SLC9A8: variants seen among roughly 807,000 people sequenced by gnomAD.
SLC9A8 encodes the protein sodium/hydrogen exchanger 8.
In SLC9A8, 48 loss-of-function variants were observed where a neutral mutation model predicts 66.6. That is an observed-to-expected ratio of 0.72 (90% confidence interval 0.57 to 0.92). The LOEUF is 0.92. Among genes scored for constraint, SLC9A8 ranks in the 40% least tolerant of loss-of-function variants. SLC9A8 has a pLI of 0.00. For missense variants in SLC9A8, 599 were observed against 747.3 expected (o/e 0.80, Z 2.31); for synonymous variants, 274 against 282.6 (o/e 0.97, Z 0.31).
At position 49,862,963 on chromosome 20, in the gene SLC9A8, G is replaced by C; in HGVS notation, c.748G>C (p.Asp250His). 6.2e-7 allele frequency: 1 copy of C among 1,613,560 alleles called. No individual in the cohort carries two copies. The highest frequency in any genetic ancestry group is 2.2e-5 in the East Asian group (1 of 44,882). The change falls in exon 9 of 16, where the codon GAT becomes CAT. Residue 250 changes from aspartate (D) to histidine (H), a missense_variant. By Grantham distance (81) the Asp-to-His change is moderately conservative. Around this residue, in one of 2 missense-constraint regions of SLC9A8, gnomAD observed 467 missense variants for 626.5 expected, o/e 0.75. Transcript: ENST00000361573. The part of the protein sequence containing the change: ...AEGLTRKNMS[D>H]VSGWQTFLQA... ...AGGTTTAACAAGAAAAAATATGTCA[G>C]ATGTCAGTGGGTGGCAAACATTTTT...
chr20:49,850,406 G>A (rs769134855), intron 6 of SLC9A8, among the ~76,000 whole-genome samples: 21 of 152,118 alleles, frequency 1.4e-4, no homozygotes, highest in Admixed American at 8.5e-4. Flanking sequence ...TCTGAGTGAC[G>A]GGCAGATTTC....
At chr20:49,828,794 G>A (rs1600656738) in intron 3 of SLC9A8, among the ~76,000 whole-genome samples, 1 of 151,720 alleles carries the variant, frequency 6.6e-6, no homozygotes, top group East Asian at 2.0e-4. Flanking sequence ...AGCCAAGATT[G>A]TGCCACTGCA....
chr20:49,887,419 A>T (rs1300645871), intron 15 of SLC9A8, among the ~76,000 whole-genome samples: 1 of 152,158 alleles, frequency 6.6e-6, no homozygotes, highest in Non-Finnish European at 1.5e-5. Context: ...AGGCAGCTCC[A>T]GTGACTGTGA....
Position 49,887,870 on chromosome 20 carries a change from C to T in SLC9A8, c.1680C>T (p.Asn560=), listed in dbSNP as rs1209585442. The T allele has an allele frequency of 8.1e-6, 13 of 1,613,166 alleles. No individual in the cohort carries two copies. Among genetic ancestry groups the T allele is most frequent in the East Asian group, 4.5e-5 (2 of 44,852 alleles). The change falls in exon 16 of 16, where the codon AAC becomes AAT. Residue 560 remains asparagine, a synonymous_variant. Transcript: ENST00000361573. ...GCATCCAGATGAAAACTCTCACCAA[C>T]AAGTGGTACGAGGAGGTACGCCAGG... The part of the protein sequence containing the change: ...HGRIQMKTLT[N]KWYEEVRQGP...
chr20:49,836,665 G>A (rs2087548360), intron 3 of SLC9A8, among the ~76,000 whole-genome samples: 1 of 152,106 alleles, frequency 6.6e-6, no homozygotes, highest in Non-Finnish European at 1.5e-5. Flanking sequence ...CTGCTGTTAG[G>A]AATATCTGTG....
chr20:49,856,612 A>G (rs571326760), intron 8 of SLC9A8, among the ~76,000 whole-genome samples: 28 of 152,214 alleles, frequency 1.8e-4, no homozygotes, highest in Non-Finnish European at 3.7e-4. Flanking sequence ...ACCTGAGGTC[A>G]GGAGTTCAAG....
chr20:49,857,939 T>C (rs1179747737), intron 8 of SLC9A8, among the ~76,000 whole-genome samples: 1 of 152,188 alleles, frequency 6.6e-6, no homozygotes, highest in Non-Finnish European at 1.5e-5. Context: ...CTTATAAGTA[T>C]TTTTGTTATT....
At chr20:49,844,619 T>TAAAAA (rs35043669) in intron 4 of SLC9A8, among the ~76,000 whole-genome samples, 33 of 106,020 alleles carry the variant, frequency 3.1e-4, no homozygotes, top group Non-Finnish European at 3.3e-4. Context: ...CCCTGTATCT[T>TAAAAA]AAAAAAAAAA....
chr20:49,887,680 T>C, intron 15 of SLC9A8, 149 bp from the exon 16 acceptor site: 1 of 597,848 alleles, frequency 1.7e-6, no homozygotes, highest in Non-Finnish European at 3.0e-6. Flanking sequence ...CAGCTCAGTT[T>C]GTTCAACTGA....
intron 5 of SLC9A8, 125 bp downstream of exon 5, chr20:49,845,244 G>A: frequency 1.4e-6 from 1 of 693,408 alleles, no homozygotes; most frequent in Non-Finnish European, 2.6e-6. Flanking sequence ...CTTCCTGGTT[G>A]TGCTCAGTGG....
chr20:49,835,416 A>G (rs563372116), intron 3 of SLC9A8, among the ~76,000 whole-genome samples: 2 of 152,240 alleles, frequency 1.3e-5, no homozygotes, highest in East Asian at 1.9e-4. Flanking sequence ...TTTTTAGTAT[A>G]TTCACAGAGT....
chr20:49,865,269 A>T (rs1341458225), intron 10 of SLC9A8, among the ~76,000 whole-genome samples: 1 of 152,198 alleles, frequency 6.6e-6, no homozygotes, highest in Non-Finnish European at 1.5e-5. Flanking sequence ...GGAGTCAAGA[A>T]CTAGTGCTTA....
intron 2 of SLC9A8, among the ~76,000 whole-genome samples, chr20:49,822,738 G>C (rs1342082233): frequency 1.3e-5 from 2 of 152,222 alleles, no homozygotes; most frequent in Non-Finnish European, 2.9e-5. Context: ...AGTGACCCTA[G>C]ATCATACCAC....
chr20:49,820,886 A>G (rs890099391), intron 2 of SLC9A8, among the ~76,000 whole-genome samples: 8 of 152,108 alleles, frequency 5.3e-5, no homozygotes, highest in Non-Finnish European at 1.2e-4. Flanking sequence ...CCTTCCAGTG[A>G]ATCATTGTAT....
intron 4 of SLC9A8, among the ~76,000 whole-genome samples, chr20:49,841,220 C>G (rs893429318): frequency 1.3e-5 from 2 of 151,484 alleles, no homozygotes; most frequent in East Asian, 3.9e-4. Flanking sequence ...GCAGGAGGAT[C>G]GCTTGAGCCC....
intron 2 of SLC9A8, among the ~76,000 whole-genome samples, chr20:49,821,220 A>T (rs912318476): frequency 6.6e-6 from 1 of 152,230 alleles, no homozygotes; most frequent in Non-Finnish European, 1.5e-5. Flanking sequence ...TTATGAGAAT[A>T]ACTTAAATTT....
intron 3 of SLC9A8, among the ~76,000 whole-genome samples, chr20:49,827,762 T>C (rs2086971981): frequency 6.6e-6 from 1 of 152,136 alleles, no homozygotes; most frequent in Non-Finnish European, 1.5e-5. Flanking sequence ...AGTGGAGGGC[T>C]GAAAGTTTGA....
rs531163024 is a variant in SLC9A8, at chr20:49,874,239, CAA to C, written c.959-465_959-464del. ...CACTATTGCACTCCAGCCTGGGTGACAAGAGCAAAACTCTGTCCCCCCCCCAA... is the reference window on the plus strand; with the variant it reads ...CACTATTGCACTCCAGCCTGGGTGACGAGCAAAACTCTGTCCCCCCCCCAA... On this transcript the variant is annotated intron_variant, in intron 10 of 15. Coordinates refer to ENST00000361573, the MANE Select transcript of SLC9A8 (RefSeq NM_015266.3). 3.4e-3 allele frequency among the ~76,000 whole-genome samples: 516 copies of C among 151,838 alleles called. 4 individuals carry two copies. Among genetic ancestry groups the C allele is most frequent in the Middle Eastern group, 0.014 (4 of 292 alleles).
chr20:49,877,016 G>A (rs1025575485), intron 11 of SLC9A8, among the ~76,000 whole-genome samples: 11 of 152,114 alleles, frequency 7.2e-5, no homozygotes, highest in South Asian at 4.2e-4. Flanking sequence ...GGCCAGGCGC[G>A]GTGGCTTATG....
Sources: allele counts gnomAD v4.1 joint callset (sites outside exome capture counted in the v4.1 genomes callset), GRCh38; gene constraint gnomAD v4.1.1; regional missense constraint gnomAD v4.1.1; transcripts MANE v1.5; gene names NCBI Gene and HGNC (gene_info 2026-07-23, HGNC 2026-07-21).